DOCK9: variants seen among roughly 807,000 people sequenced by gnomAD.
DOCK9 encodes dedicator of cytokinesis 9, also known as dedicator of cytokinesis protein 9.
A neutral mutation model predicts 263.3 loss-of-function variants in DOCK9; 89 were observed. The observed-to-expected ratio is 0.34, with a 90% CI of 0.28 to 0.40. DOCK9 has a LOEUF of 0.40. Among genes scored for constraint, DOCK9 ranks in the 10% least tolerant of loss-of-function variants. The pLI is 1.00. For synonymous variants in DOCK9, 976 were observed against 973.1 expected, an observed-to-expected ratio of 1.00 and a Z score of -0.06; for missense variants, 2,140 against 2,603.4, an observed-to-expected ratio of 0.82 and a Z score of 3.87.
At chr13:99,076,571 A>T (rs2041918515) in intron 1 of DOCK9, among the ~76,000 whole-genome samples, 1 of 152,230 alleles carries the variant, frequency 6.6e-6, no homozygotes, top group African/African-American at 2.4e-5. Context: ...ATATGTAGCA[A>T]TGAGAAACTC....
intron 1 of DOCK9, among the ~76,000 whole-genome samples, chr13:99,061,150 A>G (rs1438312448): frequency 4.6e-5 from 7 of 152,220 alleles, no homozygotes; most frequent in African/African-American, 1.7e-4. Flanking sequence ...TGCTCTATAA[A>G]TGTTTACTGA....
chr13:98,967,202 G>C (rs1030645929), intron 1 of DOCK9, among the ~76,000 whole-genome samples: 11 of 152,232 alleles, frequency 7.2e-5, no homozygotes, highest in African/African-American at 2.7e-4. Context: ...GATGGGAAAA[G>C]TAACAATTTC....
chr13:98,951,953 A>G (rs2057479166), intron 2 of DOCK9, among the ~76,000 whole-genome samples: 1 of 137,276 alleles, frequency 7.3e-6, no homozygotes, highest in African/African-American at 2.8e-5. Context: ...GCTGGAGTGC[A>G]ATGGCGCGAT....
At chr13:98,799,824 G>T (rs1287743349) in intron 50 of DOCK9, among the ~76,000 whole-genome samples, 4 of 152,116 alleles carry the variant, frequency 2.6e-5, no homozygotes, top group Non-Finnish European at 5.9e-5. Context: ...TACCAATAAA[G>T]AAAAATTGAT....
intron 1 of DOCK9, among the ~76,000 whole-genome samples, chr13:99,024,466 A>T (rs1233768409): frequency 6.6e-6 from 1 of 152,250 alleles, no homozygotes; most frequent in Non-Finnish European, 1.5e-5. Context: ...ATACAAATGC[A>T]CCCTTGAAAC....
chr13:98,986,090 G>A (rs1296772930), intron 1 of DOCK9, among the ~76,000 whole-genome samples: 1 of 152,232 alleles, frequency 6.6e-6, no homozygotes, highest in African/African-American at 2.4e-5. Flanking sequence ...CATCATTCAA[G>A]TATAACTAAA....
In DOCK9 at chr13:99,078,444, T is replaced by G. The variant is rs539543729; in HGVS notation, c.129+7779A>C. ...TCCTGTTCCACAGAACGGAAGAGGGTGCTTAGTCGTATGGGGTGAGCCCTG... is the reference window on the plus strand; with the variant it reads ...TCCTGTTCCACAGAACGGAAGAGGGGGCTTAGTCGTATGGGGTGAGCCCTG... On this transcript the variant is annotated intron_variant, in intron 1 of 32. Coordinates refer to the DOCK9 transcript ENST00000427887. 3.3e-5 allele frequency among the ~76,000 whole-genome samples: 5 copies of G among 152,044 alleles called. No individual in the cohort carries two copies. In the East Asian group the frequency reaches 9.7e-4, roughly 29 times the overall value.
intron 1 of DOCK9, among the ~76,000 whole-genome samples, chr13:99,051,493 T>C (rs2040693570): frequency 6.6e-6 from 1 of 152,116 alleles, no homozygotes; most frequent in Non-Finnish European, 1.5e-5. Context: ...GTCTGCAGCT[T>C]TCATACTAAT....
intron 48 of DOCK9, 47 bp from the exon 49 acceptor site, chr13:98,805,256 T>A: frequency 6.8e-7 from 1 of 1,476,592 alleles, no homozygotes; most frequent in Non-Finnish European, 9.3e-7. Flanking sequence ...CATGAAGGAA[T>A]CACTCAGTTC....
At chr13:99,045,629 ATGT>A (rs1888906969) in intron 1 of DOCK9, among the ~76,000 whole-genome samples, 1 of 152,180 alleles carries the variant, frequency 6.6e-6, no homozygotes, top group Non-Finnish European at 1.5e-5. Context: ...ACCACAGAAA[ATGT>A]TAAGTATGTG....
chr13:98,839,811 T>C (rs560459422), intron 38 of DOCK9, among the ~76,000 whole-genome samples: 1 of 152,242 alleles, frequency 6.6e-6, no homozygotes, highest in Non-Finnish European at 1.5e-5. Context: ...AGTTATTATA[T>C]AATTATGTAT....
At chr13:98,808,236 G>A (rs575877589) in intron 47 of DOCK9, among the ~76,000 whole-genome samples, 14 of 152,264 alleles carry the variant, frequency 9.2e-5, no homozygotes, top group South Asian at 2.1e-4. Flanking sequence ...GAACTGAAGC[G>A]TTTGGGGGTC....
intron 38 of DOCK9, 61 bp from the exon 39 acceptor site, chr13:98,837,670 G>A: frequency 8.6e-7 from 1 of 1,169,434 alleles, no homozygotes; most frequent in Non-Finnish European, 1.2e-6. Flanking sequence ...CTGGCAGGAT[G>A]CGGTAGGCAC....
intron 13 of DOCK9, among the ~76,000 whole-genome samples, chr13:98,900,073 T>C (rs2048043945): frequency 6.6e-6 from 1 of 152,234 alleles, no homozygotes; most frequent in African/African-American, 2.4e-5. Flanking sequence ...AGTAAGATAG[T>C]TGAGCCTTAA....
chr13:98,958,032 A>C (rs1450871902), intron 1 of DOCK9, among the ~76,000 whole-genome samples: 1 of 152,220 alleles, frequency 6.6e-6, no homozygotes, highest in Non-Finnish European at 1.5e-5. Flanking sequence ...GATTCTTCAG[A>C]CTGCCAGAAG....
chr13:99,021,224 A>G (rs1886051808), intron 1 of DOCK9, among the ~76,000 whole-genome samples: 1 of 152,242 alleles, frequency 6.6e-6, no homozygotes, highest in Admixed American at 6.5e-5. Context: ...TTCCCTGATA[A>G]TGAGACTAAA....
chr13:98,910,882 C>G (rs1435145614), intron 9 of DOCK9, among the ~76,000 whole-genome samples: 1 of 147,000 alleles, frequency 6.8e-6, no homozygotes, highest in African/African-American at 2.4e-5. Context: ...CCTCTGCATA[C>G]TTCAGTCTCT....
intron 43 of DOCK9, among the ~76,000 whole-genome samples, chr13:98,828,725 A>G (rs986384491): frequency 6.6e-6 from 1 of 152,186 alleles, no homozygotes; most frequent in African/African-American, 2.4e-5. Context: ...TTTACAGATG[A>G]TGTCATTGAG....
rs561080278 is a variant in DOCK9, at chr13:98,925,203, CT to C, written c.416+633del. ...AAAAATAAATAAATAAATCTCTTTT[CT>C]TTAGAAATTACCCAGTCTCAGGTAT... is the stretch of plus-strand genomic sequence containing the variant. On this transcript the variant is annotated intron_variant, in intron 4 of 52. Transcript: ENST00000682017. Among the ~76,000 whole-genome samples, 40 of 152,130 alleles carry C rather than the reference CT, an allele frequency of 2.6e-4. 1 individual carries two copies. Among genetic ancestry groups the C allele is most frequent in the African/African-American group, 9.6e-4 (40 of 41,508 alleles).
Sources: gnomAD v4.1 joint callset for allele counts (sites outside exome capture counted in the v4.1 genomes callset) on GRCh38, gnomAD v4.1.1 for gene constraint, MANE v1.5 for transcripts, NCBI Gene and HGNC (gene_info 2026-07-23, HGNC 2026-07-21) for gene names.